The following PLPP1 variants were observed in gnomAD, a reference collection of about 807,000 sequenced individuals.
PLPP1 encodes the protein lipid phosphate phosphohydrolase 1a.
Under a neutral mutation model 31.2 loss-of-function variants are expected in PLPP1, and 24 were observed. The ratio of observed to expected loss-of-function variants is 0.77; its 90% CI spans 0.56 to 1.08. The LOEUF (loss-of-function observed/expected upper bound fraction) is 1.08. PLPP1 is among the 50% of genes least tolerant of loss of function. The pLI, the probability that PLPP1 is intolerant of heterozygous loss-of-function variation, is 0.00. For missense variants in PLPP1, 319 were observed against 342.7 expected, an observed-to-expected ratio of 0.93 and a Z score of 0.55; for synonymous variants, 146 against 126.3, an observed-to-expected ratio of 1.16 and a Z score of -1.05.
rs78806639 is a variant in PLPP1, at chr5:55,514,423, T to A, written c.58+20149A>T. On this transcript the variant is annotated intron_variant, in intron 1 of 5. Transcript: ENST00000307259. Reference sequence around the variant, plus strand: ...AAAAAAATTAAACAACCAAATAAAATCCAGACCTGACACCTCAGCTGGTTT... The same window carrying A: ...AAAAAAATTAAACAACCAAATAAAAACCAGACCTGACACCTCAGCTGGTTT... 4.5e-3 allele frequency among the ~76,000 whole-genome samples: 679 copies of A among 151,514 alleles called. 6 individuals are homozygous for A. Among genetic ancestry groups the A allele is most frequent in the African/African-American group, 0.016 (646 of 41,244 alleles).
At chr5:55,426,656 C>T (rs1350544885) in intron 4 of PLPP1, among the ~76,000 whole-genome samples, 1 of 151,978 alleles carries the variant, frequency 6.6e-6, no homozygotes, top group African/African-American at 2.4e-5. Context: ...AACCCGCCTG[C>T]ATTGGCCTCC....
At chr5:55,516,746 CAA>C (rs567513729) in intron 1 of PLPP1, among the ~76,000 whole-genome samples, 37 of 152,310 alleles carry the variant, frequency 2.4e-4, no homozygotes, top group African/African-American at 8.9e-4. Context: ...AAGAATTCTG[CAA>C]AATATCTACA....
intron 3 of PLPP1, among the ~76,000 whole-genome samples, chr5:55,462,905 G>T (rs1021919490): frequency 1.3e-5 from 2 of 151,760 alleles, no homozygotes; most frequent in African/African-American, 4.8e-5. Flanking sequence ...CCCGGGAGGC[G>T]AAGCTTGCAG....
At chr5:55,431,969 TGGGGCACAGTGGCGTGATC>T (rs1751365303) in intron 4 of PLPP1, among the ~76,000 whole-genome samples, 1 of 152,236 alleles carries the variant, frequency 6.6e-6, no homozygotes, top group Non-Finnish European at 1.5e-5. Context: ...TCACCCAGTC[TGGGGCACAGTGGCGTGATC>T]ATCACTCACT....
At chr5:55,520,356 T>TAAAC (rs1285480795) in intron 1 of PLPP1, among the ~76,000 whole-genome samples, 7 of 152,150 alleles carry the variant, frequency 4.6e-5, no homozygotes, top group Admixed American at 1.3e-4. Context: ...TAGGACAAAT[T>TAAAC]AAACAAACAA....
intron 1 of PLPP1, among the ~76,000 whole-genome samples, chr5:55,533,513 TA>T (rs1405638375): frequency 1.3e-5 from 2 of 152,026 alleles, no homozygotes; most frequent in Non-Finnish European, 2.9e-5. Flanking sequence ...GAGAGTGGAA[TA>T]ACTAGGAACT....
chr5:55,468,034 G>A lies in PLPP1; in HGVS notation c.326C>T (p.Ala109Val). ...YKAIGTFLFG[A>V]AASQSLTDIA... is the part of the protein sequence containing the mutation. ...GTCAGTCAGGGACTGACTAGCAGCT[G>A]CACCAAATAAAAAGGTTCCAATGGC... Residue 109 changes from alanine (A) to valine (V), a missense_variant, in exon 3 of 6, where the codon GCA becomes GTA. By Grantham distance (64) the Ala-to-Val change is moderately conservative. Transcript: ENST00000307259. The A allele has an allele frequency of 1.2e-6, 2 of 1,614,134 alleles. No individual in the cohort carries two copies. Among genetic ancestry groups the A allele is most frequent in the African/African-American group, 1.3e-5 (1 of 75,040 alleles).
intron 4 of PLPP1, among the ~76,000 whole-genome samples, chr5:55,439,423 T>C (rs573689400): frequency 2.2e-4 from 33 of 152,220 alleles, no homozygotes; most frequent in Non-Finnish European, 4.0e-4. Flanking sequence ...AAATTCTCCC[T>C]GACCACTTAG....
chr5:55,431,292 G>C (rs1751341484), intron 4 of PLPP1, among the ~76,000 whole-genome samples: 1 of 152,146 alleles, frequency 6.6e-6, no homozygotes, highest in Admixed American at 6.5e-5. Flanking sequence ...AACAGCAAGA[G>C]AAAAGTATCA....
chr5:55,484,373 G>C (rs889008564), intron 1 of PLPP1: 1 of 152,008 alleles, frequency 6.6e-6, no homozygotes, highest in Non-Finnish European at 1.5e-5. Flanking sequence ...CAATAGTCTT[G>C]AGTAAAGTTT....
chr5:55,507,401 T>G (rs951707269), intron 1 of PLPP1, among the ~76,000 whole-genome samples: 3 of 152,062 alleles, frequency 2.0e-5, no homozygotes, highest in Non-Finnish European at 4.4e-5. Context: ...TCGGAAAAAG[T>G]GGCATGAGCC....
chr5:55,470,826 G>A (rs938574624), intron 2 of PLPP1, among the ~76,000 whole-genome samples: 1 of 152,102 alleles, frequency 6.6e-6, no homozygotes, highest in African/African-American at 2.4e-5. Context: ...TATTTATAAT[G>A]CATTATTTAC....
chr5:55,491,296 G>C (rs936329390), intron 1 of PLPP1, among the ~76,000 whole-genome samples: 3 of 152,088 alleles, frequency 2.0e-5, no homozygotes, highest in African/African-American at 7.2e-5. Flanking sequence ...GTCCATATCA[G>C]CCCCACCTTT....
intron 1 of PLPP1, among the ~76,000 whole-genome samples, chr5:55,505,895 A>G (rs1319339443): frequency 6.6e-6 from 1 of 152,174 alleles, no homozygotes; most frequent in African/African-American, 2.4e-5. Context: ...CATCTCTACT[A>G]AAATCACAAA....
At chr5:55,533,882 T>C (rs1237470528) in intron 1 of PLPP1, among the ~76,000 whole-genome samples, 1 of 151,962 alleles carries the variant, frequency 6.6e-6, no homozygotes, top group Non-Finnish European at 1.5e-5. Context: ...AGGAAGACAA[T>C]GCGAAATCTG....
chr5:55,466,801 A>C (rs1312326859), intron 3 of PLPP1, among the ~76,000 whole-genome samples: 1 of 83,252 alleles, frequency 1.2e-5, no homozygotes, highest in Non-Finnish European at 2.6e-5. Context: ...GTATCTAGAA[A>C]TCATATCTAA....
chr5:55,460,292 A>G (rs555094274), intron 3 of PLPP1, among the ~76,000 whole-genome samples: 8 of 152,350 alleles, frequency 5.3e-5, no homozygotes, highest in African/African-American at 1.9e-4. Flanking sequence ...CAAAACTAAA[A>G]GCAGGCAGGA....
At chr5:55,516,970 TTAATA>T (rs1180390215) in intron 1 of PLPP1, among the ~76,000 whole-genome samples, 1 of 152,172 alleles carries the variant, frequency 6.6e-6, no homozygotes, top group Non-Finnish European at 1.5e-5. Flanking sequence ...GCAGAAAGTA[TTAATA>T]TGTCTTTATC....
intron 3 of PLPP1, among the ~76,000 whole-genome samples, chr5:55,452,652 C>T (rs1220678765): frequency 6.6e-6 from 1 of 152,106 alleles, no homozygotes. Context: ...TCAATTCAGC[C>T]CCTGTTTCCT....
Sources: gnomAD v4.1 joint callset for allele counts (sites outside exome capture counted in the v4.1 genomes callset) on GRCh38, gnomAD v4.1.1 for gene constraint, MANE v1.5 for transcripts, NCBI Gene and HGNC (gene_info 2026-07-23, HGNC 2026-07-21) for gene names.